KDM4C: variants seen among roughly 807,000 people sequenced by gnomAD.
The protein encoded by KDM4C is lysine-specific demethylase 4C.
Under a neutral mutation model 129.3 loss-of-function variants are expected in KDM4C, and 81 were observed. The ratio of observed to expected loss-of-function variants is 0.63; its 90% confidence interval spans 0.52 to 0.75. The LOEUF (loss-of-function observed/expected upper bound fraction) is 0.75, where lower values mean the gene tolerates loss of function less well. KDM4C is among the 30% of genes least tolerant of loss of function. KDM4C has a pLI of 0.00. For missense variants in KDM4C, 1,457 were observed against 1,304.0 expected, an observed-to-expected ratio of 1.12 and a Z score of -1.81; for synonymous variants, 573 against 456.1, an observed-to-expected ratio of 1.26 and a Z score of -3.26.
chr9:7,166,759 T>C (rs541591516), intron 20 of KDM4C, among the ~76,000 whole-genome samples: 1 of 152,320 alleles, frequency 6.6e-6, no homozygotes, highest in South Asian at 2.1e-4. Context: ...AATGAGAATA[T>C]GTTGAAATTC....
chr9:6,860,963 A>G lies in KDM4C; in HGVS notation c.629+11263A>G, dbSNP rs1588762105. On this transcript the variant is annotated intron_variant, in intron 5 of 21. Coordinates refer to ENST00000381309, the MANE Select transcript of KDM4C (RefSeq NM_015061.6). The stretch of plus-strand genomic sequence containing the variant: ...AGGATATTTAAGATGGAATATATCT[A>G]TATATAATATTACAGTTATTAAAAA... 2.0e-5 allele frequency among the ~76,000 whole-genome samples: 3 copies of G among 152,308 alleles called. No homozygotes were observed. The East Asian group carries it at 5.8e-4, about 29-fold the overall frequency.
intron 15 of KDM4C, among the ~76,000 whole-genome samples, chr9:7,020,676 A>T (rs1260545163): frequency 6.6e-6 from 1 of 151,696 alleles, no homozygotes; most frequent in African/African-American, 2.4e-5. Context: ...TTTTATTTGT[A>T]ATTTTTTTGG....
At chr9:6,809,644 A>G (rs1173686532) in intron 3 of KDM4C, among the ~76,000 whole-genome samples, 2 of 152,206 alleles carry the variant, frequency 1.3e-5, no homozygotes, top group East Asian at 3.8e-4. Flanking sequence ...ATTGAGATGG[A>G]TTTTGAAGGA....
Position 7,011,888 on chromosome 9 carries a change from G to A in KDM4C, c.1968+9G>A. 3 of 1,610,126 alleles carry A rather than the reference G, an allele frequency of 1.9e-6. No individual in the cohort carries two copies. The highest frequency in any genetic ancestry group is 2.5e-6 in the Non-Finnish European group (3 of 1,177,472). ...TCATGCCGTACCACAAGGTAAAGGA[G>A]CCTGCTATCATAGTTCCCTTCACTG... On this transcript the variant is annotated intron_variant, in intron 13 of 21. Coordinates refer to ENST00000381309, the MANE Select transcript of KDM4C (RefSeq NM_015061.6).
intron 5 of KDM4C, among the ~76,000 whole-genome samples, chr9:6,861,257 C>G (rs1260035913): frequency 6.6e-6 from 1 of 152,122 alleles, no homozygotes; most frequent in African/African-American, 2.4e-5. Context: ...CTTGTCTCTC[C>G]CATGAGATAT....
chr9:6,994,847 C>G (rs769551924), intron 12 of KDM4C, among the ~76,000 whole-genome samples: 10 of 152,154 alleles, frequency 6.6e-5, no homozygotes, highest in African/African-American at 9.7e-5. Flanking sequence ...TGTATCTTGA[C>G]AGAATTGAAA....
chr9:6,987,674 C>G (rs561049607), intron 11 of KDM4C, among the ~76,000 whole-genome samples: 13 of 152,164 alleles, frequency 8.5e-5, no homozygotes, highest in Admixed American at 7.8e-4. Flanking sequence ...TCTTATCAGT[C>G]TTAAAATGTT....
intron 5 of KDM4C, among the ~76,000 whole-genome samples, chr9:6,855,756 C>G (rs1004515565): frequency 6.6e-6 from 1 of 152,096 alleles, no homozygotes; most frequent in Non-Finnish European, 1.5e-5. Context: ...TTATATAATT[C>G]AAGTCTTACT....
At chr9:7,019,464 A>C (rs1824264537) in intron 15 of KDM4C, among the ~76,000 whole-genome samples, 1 of 151,574 alleles carries the variant, frequency 6.6e-6, no homozygotes, top group Admixed American at 6.6e-5. Context: ...TTTTTAAAAA[A>C]CCTGCCTTGT....
chr9:6,949,736 G>GGT lies in KDM4C; in HGVS notation c.922-31189_922-31188insGT, dbSNP rs1827768201. On this transcript the variant is annotated intron_variant, in intron 8 of 21. Transcript: ENST00000381309. ...GCGCGCCTGCAATCGCAGGCACTCA[G>GGT]CAGGCTGAGGCAGGAGAATCAGGCA... Among the ~76,000 whole-genome samples, 5 of 152,358 alleles carry GGT rather than the reference G, an allele frequency of 3.3e-5. No individual in the cohort carries two copies. In the East Asian group the frequency reaches 9.6e-4, roughly 29 times the overall value.
intron 5 of KDM4C, among the ~76,000 whole-genome samples, chr9:6,866,475 T>C (rs1251780506): frequency 1.3e-5 from 2 of 152,174 alleles, no homozygotes; most frequent in African/African-American, 4.8e-5. Flanking sequence ...TCCTACAGTG[T>C]AGCACTGCTG....
At chr9:6,926,110 A>G (rs1822462032) in intron 8 of KDM4C, among the ~76,000 whole-genome samples, 1 of 152,072 alleles carries the variant, frequency 6.6e-6, no homozygotes. Flanking sequence ...GCCCCTTTAG[A>G]TGGTGGTTCT....
chr9:7,101,094 G>A (rs1263229137), intron 17 of KDM4C, among the ~76,000 whole-genome samples: 1 of 152,136 alleles, frequency 6.6e-6, no homozygotes, highest in Non-Finnish European at 1.5e-5. Context: ...GATTGATCTT[G>A]ATCCAGTTCG....
chr9:6,752,568 G>A (rs1161995919), intron 1 of KDM4C, among the ~76,000 whole-genome samples: 1 of 150,928 alleles, frequency 6.6e-6, no homozygotes, highest in Non-Finnish European at 1.5e-5. Flanking sequence ...GCACCACCAT[G>A]CCTGGCTAAT....
At chr9:6,764,905 A>C (rs1236209570) in intron 1 of KDM4C, among the ~76,000 whole-genome samples, 1 of 152,154 alleles carries the variant, frequency 6.6e-6, no homozygotes, top group Non-Finnish European at 1.5e-5. Flanking sequence ...TTTCTCCTGC[A>C]TCTCATCTCA....
chr9:7,009,349 C>T (rs927614420), intron 12 of KDM4C, among the ~76,000 whole-genome samples: 18 of 152,214 alleles, frequency 1.2e-4, no homozygotes, highest in African/African-American at 4.3e-4. Context: ...AGTGGCGTTC[C>T]ATGAAAATGG....
chr9:7,006,102 G>A (rs918675897), intron 12 of KDM4C, among the ~76,000 whole-genome samples: 2 of 152,162 alleles, frequency 1.3e-5, no homozygotes, highest in Non-Finnish European at 2.9e-5. Flanking sequence ...TGTTTACACC[G>A]TTGCTAACAA....
chr9:7,114,278 A>G (rs1341867687), intron 18 of KDM4C, among the ~76,000 whole-genome samples: 2 of 152,140 alleles, frequency 1.3e-5, no homozygotes, highest in East Asian at 3.9e-4. Context: ...AATAGCTGAC[A>G]TTGTGCCTGT....
intron 8 of KDM4C, among the ~76,000 whole-genome samples, chr9:6,918,105 A>G (rs1212216675): frequency 6.6e-6 from 1 of 152,146 alleles, no homozygotes; most frequent in Non-Finnish European, 1.5e-5. Flanking sequence ...TTGGGGTACA[A>G]TTGATCTCAT....
Sources: gnomAD v4.1 joint callset for allele counts (sites outside exome capture counted in the v4.1 genomes callset) on GRCh38, gnomAD v4.1.1 for gene constraint, MANE v1.5 for transcripts, NCBI Gene and HGNC (gene_info 2026-07-23, HGNC 2026-07-21) for gene names.